PRDM16: variants seen among roughly 807,000 people sequenced by gnomAD.
The protein encoded by PRDM16 is histone-lysine N-methyltransferase PRDM16.
Under a neutral mutation model 110.6 loss-of-function variants are expected in PRDM16, and 23 were observed. That is an observed-to-expected ratio of 0.21 (90% CI 0.15 to 0.29). The LOEUF (loss-of-function observed/expected upper bound fraction) is 0.29. Ranked by LOEUF, PRDM16 falls within the 10% of genes least tolerant of loss-of-function variation. PRDM16 has a pLI of 1.00. For missense variants in PRDM16, 1,615 were observed against 1,794.3 expected (o/e 0.90, Z 1.81); for synonymous variants, 799 against 781.8 (o/e 1.02, Z -0.37).
Position 3,143,035 on chromosome 1 carries a change from A to G in PRDM16, c.38-43090A>G, listed in dbSNP as rs989585759. The stretch of plus-strand genomic sequence containing the variant: ...ATGCAGGATTCGGGCTGTGTTGCTG[A>G]TGAGATCACATAGGGGCTGGAGAAT... On this transcript the variant is annotated intron_variant, in intron 1 of 16. Coordinates refer to ENST00000270722, the MANE Select transcript of PRDM16 (RefSeq NM_022114.4). This position sits in a 1 kb window ranked among gnomAD's most constrained non-coding sequence, Gnocchi z 4.5. 6.6e-6 allele frequency among the ~76,000 whole-genome samples: 1 copy of G among 152,178 alleles called. No homozygotes were observed. Among genetic ancestry groups the G allele is most frequent in the African/African-American group, 2.4e-5 (1 of 41,442 alleles).
chr1:3,087,734 A>G (rs930738881), intron 1 of PRDM16, among the ~76,000 whole-genome samples: 2 of 152,106 alleles, frequency 1.3e-5, no homozygotes, highest in African/African-American at 4.8e-5. Context: ...TCTTTTCAAA[A>G]ATCACGTCTT....
intron 6 of PRDM16, among the ~76,000 whole-genome samples, chr1:3,403,308 C>T (rs6664364): frequency 0.56 from 85,643 of 151,706 alleles, 25,104 homozygotes; most frequent in South Asian, 0.69. Context: ...GCCAGGGCTG[C>T]GCTGCGGGGA....
rs193207761 is a variant in PRDM16 at position 3,307,496 on chromosome 1, A to G, written c.438+63359A>G. The G allele has an allele frequency of 4.2e-3, 633 of 152,312 alleles. 5 individuals carry two copies. The highest frequency in any genetic ancestry group is 0.015 in the African/African-American group (605 of 41,556). 9.4% of individuals were successfully genotyped at this position (152,312 alleles called of 1,614,324 possible). A position where few individuals can be genotyped will look rare whatever the true frequency, so the allele number is the denominator to read the frequency against. On this transcript the variant is annotated intron_variant, in intron 3 of 16. Transcript: ENST00000270722. The stretch of plus-strand genomic sequence containing the variant: ...AATGAGGGAGAAAATTCAAAATTAA[A>G]CAACCAAAGAACATTGTAAATTTTC...
In PRDM16 at chr1:3,432,128, G is replaced by A; in HGVS notation, c.3684G>A (p.Gln1228=). Residue 1228 remains glutamine (Q), a synonymous_variant, in exon 16 of 17, where the codon CAG becomes CAA. Transcript: ENST00000270722. Reference sequence around the variant, plus strand: ...CTTTAAAACATACACTGTGCAGGCAGGCTAAGAACCAGGTAGGTACCCGCC... The same window carrying A: ...CTTTAAAACATACACTGTGCAGGCAAGCTAAGAACCAGGTAGGTACCCGCC... ...SEALKHTLCR[Q]AKNQAYAMML... 6.2e-7 allele frequency: 1 copy of A among 1,613,386 alleles called. No homozygotes were observed. The highest frequency in any genetic ancestry group is 8.5e-7 in the Non-Finnish European group (1 of 1,179,710).
chr1:3,212,845 C>T (rs932642527), intron 2 of PRDM16, among the ~76,000 whole-genome samples: 2 of 152,226 alleles, frequency 1.3e-5, no homozygotes, highest in African/African-American at 2.4e-5. Context: ...TCCAGCTCAG[C>T]CTCAGATTTT....
intron 1 of PRDM16, among the ~76,000 whole-genome samples, chr1:3,164,918 G>A (rs917414150): frequency 3.3e-5 from 5 of 152,186 alleles, no homozygotes; most frequent in African/African-American, 1.2e-4. Flanking sequence ...GATGTGCCCC[G>A]TGCTTGTTCC....
chr1:3,420,068 G>A (rs1264023448), intron 12 of PRDM16, among the ~76,000 whole-genome samples: 1 of 152,164 alleles, frequency 6.6e-6, no homozygotes, highest in Non-Finnish European at 1.5e-5. Context: ...AGCGTTGTGT[G>A]CTAAGAGCCC....
chr1:3,251,595 C>T (rs2100220093), intron 3 of PRDM16, among the ~76,000 whole-genome samples: 1 of 152,214 alleles, frequency 6.6e-6, no homozygotes, highest in East Asian at 1.9e-4. Context: ...CACCCCTTCT[C>T]CACAACCGAA....
intron 1 of PRDM16, among the ~76,000 whole-genome samples, chr1:3,160,765 C>T (rs1481766683): frequency 6.6e-6 from 1 of 152,176 alleles, no homozygotes; most frequent in East Asian, 1.9e-4. Flanking sequence ...CAAGAATGGG[C>T]CCATTTACTT....
At chr1:3,227,637 G>A (rs1639317735) in intron 2 of PRDM16, among the ~76,000 whole-genome samples, 1 of 152,260 alleles carries the variant, frequency 6.6e-6, no homozygotes, top group African/African-American at 2.4e-5. Context: ...GACCTGAGAT[G>A]TAGGGCCCGG....
chr1:3,128,916 C>T (rs1378305227), intron 1 of PRDM16, among the ~76,000 whole-genome samples: 3 of 152,226 alleles, frequency 2.0e-5, no homozygotes, highest in Non-Finnish European at 4.4e-5. Flanking sequence ...GGGTGCGCAG[C>T]CGTGGCCGGC....
intron 3 of PRDM16, among the ~76,000 whole-genome samples, chr1:3,366,992 G>A (rs1370776376): frequency 6.6e-6 from 1 of 152,208 alleles, no homozygotes; most frequent in Non-Finnish European, 1.5e-5. Context: ...CAAGGGCCGG[G>A]CACAGTGGCT....
chr1:3,137,432 A>C (rs1643462950), intron 1 of PRDM16, among the ~76,000 whole-genome samples: 1 of 152,188 alleles, frequency 6.6e-6, no homozygotes, highest in Non-Finnish European at 1.5e-5. Context: ...GCCAGGGGAC[A>C]CGATGTCCTT....
In PRDM16 at chr1:3,181,511, C is replaced by G. The variant is rs115133436; in HGVS notation, c.38-4614C>G. Among the ~76,000 whole-genome samples the G allele has an allele frequency of 4.3e-5, 2 of 46,854 alleles. 1 individual carries two copies. Among genetic ancestry groups the G allele is most frequent in the African/African-American group, 1.1e-4 (2 of 18,984 alleles). 30.7% of individuals were successfully genotyped at this position (46,854 alleles called of 152,430 possible). A position where few individuals can be genotyped will look rare whatever the true frequency, so the allele number is the denominator to read the frequency against. On this transcript the variant is annotated intron_variant, in intron 1 of 16. Transcript: ENST00000270722. ...ACAGCCTTACGCATGGTCTTACACACGCAGTCTTACACAAGCGGTCTTACA... is the reference window on the plus strand; with the variant it reads ...ACAGCCTTACGCATGGTCTTACACAGGCAGTCTTACACAAGCGGTCTTACA...
intron 3 of PRDM16, among the ~76,000 whole-genome samples, chr1:3,379,754 C>T (rs1643066710): frequency 1.4e-4 from 1 of 7,256 alleles, no homozygotes. Context: ...CCCAGCACAC[C>T]CCTCCCAACA....
rs946936661 is a variant in PRDM16 at position 3,140,737 on chromosome 1, A to G, written c.38-45388A>G. 3.5e-4 allele frequency among the ~76,000 whole-genome samples: 54 copies of G among 152,198 alleles called. 2 individuals carry two copies. The highest frequency in any genetic ancestry group is 3.3e-3 in the Admixed American group (51 of 15,286). On this transcript the variant is annotated intron_variant, in intron 1 of 16. Transcript: ENST00000270722. ...GCCTCCCAGGTGTGAGGGTGGGGCCACAGTCACGCGTCCCTCTCTGCATCC... is the reference window on the plus strand; with the variant it reads ...GCCTCCCAGGTGTGAGGGTGGGGCCGCAGTCACGCGTCCCTCTCTGCATCC...
At chr1:3,167,158 AT>A (rs1307411877) in intron 1 of PRDM16, among the ~76,000 whole-genome samples, 3 of 152,082 alleles carry the variant, frequency 2.0e-5, no homozygotes, top group Non-Finnish European at 4.4e-5. Flanking sequence ...TGAGAAAGCG[AT>A]TTTTCCAACA....
chr1:3,319,843 G>A (rs886921242), intron 3 of PRDM16, among the ~76,000 whole-genome samples: 5 of 152,176 alleles, frequency 3.3e-5, no homozygotes, highest in African/African-American at 1.2e-4. Context: ...TCCCCAAAGA[G>A]TTTTGGTGCC....
chr1:3,197,363 C>T (rs555180278), intron 2 of PRDM16, among the ~76,000 whole-genome samples: 1 of 152,332 alleles, frequency 6.6e-6, no homozygotes, highest in Non-Finnish European at 1.5e-5. Context: ...ATCACAGCGG[C>T]CCCAGCTCGT....
Sources: gnomAD v4.1 joint callset for allele counts (sites outside exome capture counted in the v4.1 genomes callset) on GRCh38, gnomAD v4.1.1 for gene constraint, Gnocchi (gnomAD v3.1) non-coding constraint, MANE v1.5 for transcripts, NCBI Gene and HGNC (gene_info 2026-07-23, HGNC 2026-07-21) for gene names.